The following RAPGEF2 variants were observed in gnomAD, a reference collection of about 807,000 sequenced individuals.
RAPGEF2 encodes the protein Rap guanine nucleotide exchange factor 2, also known as PDZ domain containing guanine nucleotide exchange factor (GEF) 1.
RAPGEF2 carries 54 observed loss-of-function variants against 186.7 expected under a neutral mutation model. The observed-to-expected ratio is 0.29, with a 90% CI of 0.23 to 0.36. RAPGEF2 has a LOEUF of 0.36. RAPGEF2 is among the 10% of genes least tolerant of loss of function. The pLI is 1.00. For missense variants in RAPGEF2, 1,532 were observed against 2,045.0 expected, an observed-to-expected ratio of 0.75 and a Z score of 4.84; for synonymous variants, 712 against 705.9, an observed-to-expected ratio of 1.01 and a Z score of -0.14.
At chr4:159,355,221 G>A (rs1731796631) in intron 28 of RAPGEF2, among the ~76,000 whole-genome samples, 1 of 152,114 alleles carries the variant, frequency 6.6e-6, no homozygotes, top group Non-Finnish European at 1.5e-5. Context: ...CATATTCTAG[G>A]TCATGAGCAT....
At chr4:159,214,253 A>G (rs954325885) in intron 4 of RAPGEF2, among the ~76,000 whole-genome samples, 5 of 152,216 alleles carry the variant, frequency 3.3e-5, no homozygotes, top group African/African-American at 9.6e-5. Context: ...GCATAACTTT[A>G]TGAGGTGCTG....
intron 1 of RAPGEF2, among the ~76,000 whole-genome samples, chr4:159,150,315 A>G (rs757838457): frequency 1.3e-5 from 2 of 152,170 alleles, no homozygotes; most frequent in Non-Finnish European, 2.9e-5. Context: ...ACATAACCCC[A>G]TATTATGTGT....
chr4:159,291,755 TA>T (rs1467170133), intron 7 of RAPGEF2, among the ~76,000 whole-genome samples: 1 of 151,896 alleles, frequency 6.6e-6, no homozygotes. Context: ...CTATCCATTG[TA>T]TATATATCAA....
At chr4:159,298,509 A>AT (rs1253672667) in intron 7 of RAPGEF2, among the ~76,000 whole-genome samples, 1 of 152,218 alleles carries the variant, frequency 6.6e-6, no homozygotes, top group Non-Finnish European at 1.5e-5. Flanking sequence ...CTACTAAAAA[A>AT]TTTCCTGCCT....
chr4:159,301,293 C>T (rs1044605379), intron 7 of RAPGEF2, among the ~76,000 whole-genome samples: 7 of 152,032 alleles, frequency 4.6e-5, no homozygotes, highest in Non-Finnish European at 8.8e-5. Context: ...CGCTTAAATC[C>T]GGAAGGGTGG....
chr4:159,252,287 C>T (rs748549422), intron 7 of RAPGEF2, among the ~76,000 whole-genome samples: 6 of 152,166 alleles, frequency 3.9e-5, no homozygotes, highest in Non-Finnish European at 5.9e-5. Context: ...TGAGCTCAAG[C>T]GATTTGCCTG....
chr4:159,124,351 C>T (rs1175524196), intron 1 of RAPGEF2, among the ~76,000 whole-genome samples: 1 of 151,386 alleles, frequency 6.6e-6, no homozygotes, highest in Non-Finnish European at 1.5e-5. Flanking sequence ...ACCAGCCTGG[C>T]CAACATGTGA....
chr4:159,294,385 C>G (rs977334056), intron 7 of RAPGEF2, among the ~76,000 whole-genome samples: 7 of 152,162 alleles, frequency 4.6e-5, no homozygotes, highest in Non-Finnish European at 8.8e-5. Context: ...ATCTTCTGAT[C>G]GTACCAGCAG....
At chr4:159,238,297 A>C (rs1013246701) in intron 4 of RAPGEF2, among the ~76,000 whole-genome samples, 1 of 152,218 alleles carries the variant, frequency 6.6e-6, no homozygotes, top group African/African-American at 2.4e-5. Context: ...TCTTAAGTTG[A>C]GTATCTTTTT....
chr4:159,146,916 T>TA (rs1276207668), intron 1 of RAPGEF2, among the ~76,000 whole-genome samples: 2 of 152,178 alleles, frequency 1.3e-5, no homozygotes, highest in African/African-American at 4.8e-5. Context: ...AATAAAGGTT[T>TA]AAAAAAAGAG....
chr4:159,174,624 TGAG>T (rs1171660841), intron 1 of RAPGEF2, among the ~76,000 whole-genome samples: 2 of 152,272 alleles, frequency 1.3e-5, no homozygotes, highest in Non-Finnish European at 2.9e-5. Context: ...GGAAAACACT[TGAG>T]GAAGTTTTTT....
rs1261063022 is a variant in RAPGEF2 at position 159,355,938 on chromosome 4, C to T, written c.4737C>T (p.His1579=). The T allele has an allele frequency of 2.5e-6, 4 of 1,601,820 alleles. No individual in the cohort carries two copies. Among genetic ancestry groups the T allele is most frequent in the Admixed American group, 1.7e-5 (1 of 58,570 alleles). ...GIPITDFPEG[H]SHPARKPPDY... is the part of the protein sequence containing the mutation. ...CCATTACTGACTTTCCAGAAGGGCA[C>T]TCCCATCCAGCCAGGAAACCGCCGG... The change falls in exon 29 of 30, where the codon CAC becomes CAT. Residue 1579 remains histidine (H), a synonymous_variant. Coordinates refer to ENST00000691494, the MANE Select transcript of RAPGEF2 (RefSeq NM_001394067.2).
intron 7 of RAPGEF2, among the ~76,000 whole-genome samples, chr4:159,262,951 CTG>C (rs1296576955): frequency 6.6e-6 from 1 of 152,042 alleles, no homozygotes; most frequent in African/African-American, 2.4e-5. Context: ...TTTCTAAAGA[CTG>C]TATTTAGATT....
chr4:159,202,511 C>G (rs1272358875), intron 3 of RAPGEF2, among the ~76,000 whole-genome samples: 1 of 152,188 alleles, frequency 6.6e-6, no homozygotes, highest in African/African-American at 2.4e-5. Flanking sequence ...CTAGGATCAG[C>G]ATCCTTTACC....
chr4:159,107,861 A>T (rs1378384446), intron 1 of RAPGEF2, among the ~76,000 whole-genome samples: 1 of 152,186 alleles, frequency 6.6e-6, no homozygotes, highest in Non-Finnish European at 1.5e-5. Flanking sequence ...TAAATTTTCC[A>T]TTTGAGTTTC....
Position 159,148,300 on chromosome 4 carries a change from A to G in RAPGEF2, c.70-38342A>G, listed in dbSNP as rs564887023. On this transcript the variant is annotated intron_variant, in intron 1 of 29. Coordinates refer to ENST00000691494, the MANE Select transcript of RAPGEF2 (RefSeq NM_001394067.2). ...GAGTGCCAGTCTTTATCTTTAAAGT[A>G]TAGACAGTTAGGCAAGGTTTCAATA... Among the ~76,000 whole-genome samples the G allele has an allele frequency of 1.1e-3, 173 of 152,320 alleles. No individual in the cohort carries two copies. In the Middle Eastern group the frequency reaches 0.02, roughly 18 times the overall value.
intron 1 of RAPGEF2, among the ~76,000 whole-genome samples, chr4:159,146,304 G>A (rs1334980343): frequency 1.3e-5 from 2 of 151,416 alleles, no homozygotes; most frequent in Non-Finnish European, 2.9e-5. Flanking sequence ...AATAAATTAT[G>A]CCATAAAAAA....
At chr4:159,287,390 C>A (rs142768312) in intron 7 of RAPGEF2, among the ~76,000 whole-genome samples, 221 of 151,990 alleles carry the variant, frequency 1.5e-3, no homozygotes, top group African/African-American at 5.1e-3. Context: ...TTAGATGATA[C>A]GGAATTTTAG....
chr4:159,287,500 G>A (rs1001585270), intron 7 of RAPGEF2, among the ~76,000 whole-genome samples: 5 of 152,054 alleles, frequency 3.3e-5, no homozygotes, highest in African/African-American at 7.2e-5. Flanking sequence ...CAAAAATCAC[G>A]TAAAGCTACT....
Sources: gnomAD v4.1 joint callset for allele counts (sites outside exome capture counted in the v4.1 genomes callset) on GRCh38, gnomAD v4.1.1 for gene constraint, MANE v1.5 for transcripts, NCBI Gene and HGNC (gene_info 2026-07-23, HGNC 2026-07-21) for gene names.